PCDH15: variants seen among roughly 807,000 people sequenced by gnomAD.
PCDH15 encodes the protein protocadherin related 15, also known as protocadherin-15.
PCDH15 carries 129 observed loss-of-function variants against 178.5 expected under a neutral mutation model. The observed-to-expected ratio is 0.72, with a 90% CI of 0.63 to 0.84. The LOEUF is 0.84. Ranked by LOEUF, PCDH15 falls within the 40% of genes least tolerant of loss-of-function variation. PCDH15 has a pLI of 0.00. For missense variants in PCDH15, 2,230 were observed against 2,099.9 expected (o/e 1.06, Z -1.21); for synonymous variants, 800 against 732.0 (o/e 1.09, Z -1.50).
chr10:55,154,825 A>C (rs1838839557), intron 2 of PCDH15, among the ~76,000 whole-genome samples: 1 of 152,126 alleles, frequency 6.6e-6, no homozygotes, highest in Non-Finnish European at 1.5e-5. Flanking sequence ...TCTTTACATC[A>C]ATGTAAATAA....
chr10:54,366,070 G>A (rs556038393), intron 5 of PCDH15, among the ~76,000 whole-genome samples: 3 of 151,970 alleles, frequency 2.0e-5, no homozygotes, highest in Admixed American at 6.6e-5. Flanking sequence ...AGTAGTGAGG[G>A]GATGATTGAC....
chr10:55,051,731 G>A (rs1291153363), intron 2 of PCDH15, among the ~76,000 whole-genome samples: 1 of 152,138 alleles, frequency 6.6e-6, no homozygotes, highest in Non-Finnish European at 1.5e-5. Flanking sequence ...AATGTTAAAT[G>A]ATTTGCCCAA....
At chr10:53,921,088 C>T (rs1262187891) in intron 25 of PCDH15, among the ~76,000 whole-genome samples, 1 of 152,128 alleles carries the variant, frequency 6.6e-6, no homozygotes, top group Non-Finnish European at 1.5e-5. Context: ...TTAATTAATA[C>T]TTGTAAAATA....
chr10:55,192,804 T>G (rs1224588085), intron 1 of PCDH15, among the ~76,000 whole-genome samples: 1 of 151,388 alleles, frequency 6.6e-6, no homozygotes. Flanking sequence ...CATGCATACA[T>G]GTACATACAT....
At chr10:54,515,405 A>C (rs2082110113) in intron 3 of PCDH15, among the ~76,000 whole-genome samples, 1 of 152,164 alleles carries the variant, frequency 6.6e-6, no homozygotes, top group Non-Finnish European at 1.5e-5. Flanking sequence ...ATCAAACTGT[A>C]AGGCGGCAGA....
chr10:53,983,602 G>A (rs2090853889), intron 21 of PCDH15, among the ~76,000 whole-genome samples: 1 of 152,066 alleles, frequency 6.6e-6, no homozygotes, highest in Non-Finnish European at 1.5e-5. Flanking sequence ...CTTGCTTTAG[G>A]GCTATTTACC....
chr10:55,273,117 A>G (rs1240707128), intron 1 of PCDH15, among the ~76,000 whole-genome samples: 1 of 152,152 alleles, frequency 6.6e-6, no homozygotes, highest in Non-Finnish European at 1.5e-5. Context: ...TGTTCCTGGC[A>G]TAGTGCATGT....
chr10:55,423,137 A>G (rs1838663753), intron 2 of PCDH15, among the ~76,000 whole-genome samples: 1 of 151,948 alleles, frequency 6.6e-6, no homozygotes, highest in Non-Finnish European at 1.5e-5. Flanking sequence ...CACAGTAAAA[A>G]TTATCATAAA....
At chr10:53,984,418 G>A (rs931727626) in intron 21 of PCDH15, among the ~76,000 whole-genome samples, 1 of 151,884 alleles carries the variant, frequency 6.6e-6, no homozygotes, top group Non-Finnish European at 1.5e-5. Flanking sequence ...CCAAATTGCT[G>A]GGATTACAGG....
At position 53,992,712 on chromosome 10, in the gene PCDH15, C is replaced by T. The variant is rs182828619; in HGVS notation, c.2868+2937G>A. 4.9e-3 allele frequency among the ~76,000 whole-genome samples: 748 copies of T among 152,208 alleles called. 9 individuals are homozygous for T. Among genetic ancestry groups the T allele is most frequent in the African/African-American group, 0.016 (646 of 41,540 alleles). On this transcript the variant is annotated intron_variant, in intron 21 of 37. Transcript: ENST00000644397. Reference sequence around the variant, plus strand: ...AACGTCTCTGGTGAAAAGAAATAAACGGTTAGCCATTTTTAATTTCAAAAA... The same window carrying T: ...AACGTCTCTGGTGAAAAGAAATAAATGGTTAGCCATTTTTAATTTCAAAAA...
At chr10:55,529,687 G>A (rs1277508691) in intron 2 of PCDH15, among the ~76,000 whole-genome samples, 1 of 140,494 alleles carries the variant, frequency 7.1e-6, no homozygotes, top group African/African-American at 2.6e-5. Context: ...TGCCTTTAGG[G>A]ATTATAAATA....
chr10:54,753,995 TTA>T (rs796106269), intron 1 of PCDH15, among the ~76,000 whole-genome samples: 9 of 93,970 alleles, frequency 9.6e-5, no homozygotes, highest in Admixed American at 5.2e-4. Flanking sequence ...TTTATTATTA[TTA>T]TTTTTTATTT....
At chr10:54,307,015 C>CATATAT (rs1378823372) in intron 8 of PCDH15, among the ~76,000 whole-genome samples, 1 of 36,144 alleles carries the variant, frequency 2.8e-5, no homozygotes, top group Non-Finnish European at 6.0e-5. Flanking sequence ...TATATATATA[C>CATATAT]ATATATATAT....
chr10:55,084,152 A>G (rs1591889796), intron 2 of PCDH15, among the ~76,000 whole-genome samples: 2 of 151,962 alleles, frequency 1.3e-5, no homozygotes, highest in African/African-American at 4.8e-5. Flanking sequence ...TGGAGAAATC[A>G]CATTAGCTGA....
intron 2 of PCDH15, among the ~76,000 whole-genome samples, chr10:55,088,660 A>G (rs1328184697): frequency 1.3e-5 from 2 of 152,118 alleles, no homozygotes; most frequent in Non-Finnish European, 2.9e-5. Flanking sequence ...GTACAGGTAG[A>G]ATTTATATGT....
intron 5 of PCDH15, among the ~76,000 whole-genome samples, chr10:54,355,765 G>A (rs910288226): frequency 1.3e-5 from 2 of 151,952 alleles, no homozygotes; most frequent in Admixed American, 6.6e-5. Flanking sequence ...AAAAAAATTG[G>A]TTCTCAGCAA....
At chr10:54,697,173 TA>T (rs34936328) in intron 1 of PCDH15, among the ~76,000 whole-genome samples, 1 of 152,034 alleles carries the variant, frequency 6.6e-6, no homozygotes, top group Non-Finnish European at 1.5e-5. Context: ...CTTTGATAGA[TA>T]AAAAATAGTA....
intron 3 of PCDH15, among the ~76,000 whole-genome samples, chr10:54,418,423 C>T (rs1252843707): frequency 6.6e-6 from 1 of 151,804 alleles, no homozygotes; most frequent in Non-Finnish European, 1.5e-5. Context: ...CTGCAATTAT[C>T]CTTAAAATGC....
intron 1 of PCDH15, among the ~76,000 whole-genome samples, chr10:55,279,750 G>A (rs923347586): frequency 2.0e-5 from 3 of 152,106 alleles, no homozygotes; most frequent in Non-Finnish European, 2.9e-5. Context: ...TTGGTTGTAC[G>A]ATTGACAGAA....
Sources: gnomAD v4.1 joint callset for allele counts (sites outside exome capture counted in the v4.1 genomes callset) on GRCh38, gnomAD v4.1.1 for gene constraint, MANE v1.5 for transcripts, NCBI Gene and HGNC (gene_info 2026-07-23, HGNC 2026-07-21) for gene names.